The following RANBP2 variants were observed in gnomAD, a reference collection of about 807,000 sequenced individuals.
RANBP2 encodes the protein E3 SUMO-protein ligase RanBP2.
RANBP2 carries 57 observed loss-of-function variants against 303.6 expected under a neutral mutation model. The observed-to-expected ratio is 0.19, with a 90% confidence interval of 0.15 to 0.23. RANBP2 has a LOEUF of 0.23. Among genes scored for constraint, RANBP2 ranks in the 10% least tolerant of loss-of-function variants. RANBP2 has a pLI of 1.00. For missense variants in RANBP2, 3,138 were observed against 3,780.8 expected, an observed-to-expected ratio of 0.83 and a Z score of 4.46; for synonymous variants, 1,167 against 1,301.5, an observed-to-expected ratio of 0.90 and a Z score of 2.23.
the RANBP2 span, among the ~76,000 whole-genome samples, chr2:109,203,384 G>A: frequency 6.6e-6 from 1 of 152,302 alleles, no homozygotes; most frequent in East Asian, 1.9e-4. Flanking sequence ...GGATGGCCTT[G>A]GGAGGGTGTT....
chr2:108,846,798 A>G, the RANBP2 span: 2 of 1,612,950 alleles, frequency 1.2e-6, no homozygotes, highest in Admixed American at 3.3e-5. Context: ...AGGAGTGGTA[A>G]CTAAAGGAAT....
In RANBP2 at chr2:108,775,947, A is replaced by G; in HGVS notation, c.8497+11A>G. 3 of 1,598,108 alleles carry G rather than the reference A, an allele frequency of 1.9e-6. No homozygotes were observed. Among genetic ancestry groups the G allele is most frequent in the Non-Finnish European group, 2.6e-6 (3 of 1,173,408 alleles). ...ATTCTACAAGCCAAGGTAAATCTTG[A>G]TATATGTTTATCATGTGTTACATAA... is the stretch of plus-strand genomic sequence containing the variant. On this transcript the variant is annotated intron_variant, in intron 24 of 28. Transcript: ENST00000283195.
the RANBP2 span, among the ~76,000 whole-genome samples, chr2:109,764,242 G>A: frequency 1.3e-5 from 2 of 149,346 alleles, no homozygotes; most frequent in African/African-American, 2.5e-5. Context: ...GCTTTGTTCT[G>A]TAGAGTCTTG....
the RANBP2 span, chr2:108,794,492 A>G: frequency 6.6e-7 from 1 of 1,508,372 alleles, no homozygotes; most frequent in Non-Finnish European, 9.0e-7. Flanking sequence ...GAATATTTGA[A>G]ACAATAAGTT....
the RANBP2 span, among the ~76,000 whole-genome samples, chr2:109,161,746 C>G: frequency 6.6e-6 from 1 of 151,804 alleles, no homozygotes; most frequent in South Asian, 2.1e-4. Flanking sequence ...ACAACCAGCT[C>G]TCAGGGGAAC....
At chr2:109,201,036 G>C in the RANBP2 span, among the ~76,000 whole-genome samples, 1 of 152,152 alleles carries the variant, frequency 6.6e-6, no homozygotes, top group South Asian at 2.1e-4. Context: ...ACCTGGGTGG[G>C]ACCCTGTGAG....
chr2:109,553,371 C>G, the RANBP2 span: 1 of 659,606 alleles, frequency 1.5e-6, no homozygotes, highest in African/African-American at 1.8e-5. Flanking sequence ...ATAGTGAAAC[C>G]CTGTCTCTAC....
the RANBP2 span, among the ~76,000 whole-genome samples, chr2:109,639,966 C>G: frequency 6.6e-6 from 1 of 151,982 alleles, no homozygotes; most frequent in East Asian, 2.0e-4. Context: ...CCACCTCGGC[C>G]TCCCAAAGTG....
the RANBP2 span, among the ~76,000 whole-genome samples, chr2:108,859,859 A>G: frequency 6.6e-6 from 1 of 151,918 alleles, no homozygotes; most frequent in Non-Finnish European, 1.5e-5. Context: ...GTAATTTGAT[A>G]GGAATTGTGT....
At chr2:109,613,837 C>G in the RANBP2 span, 2 of 1,237,214 alleles carry the variant, frequency 1.6e-6, no homozygotes, top group Non-Finnish European at 2.0e-6. Flanking sequence ...TGGTCGCGGG[C>G]AGGGGCACGG....
At chr2:109,353,607 TG>T in the RANBP2 span, among the ~76,000 whole-genome samples, 1 of 152,172 alleles carries the variant, frequency 6.6e-6, no homozygotes, top group African/African-American at 2.4e-5. Context: ...GCAGGCCTGC[TG>T]GGTGAGAGTG....
At chr2:109,448,187 T>C in the RANBP2 span, among the ~76,000 whole-genome samples, 7 of 152,234 alleles carry the variant, frequency 4.6e-5, no homozygotes, top group Non-Finnish European at 5.9e-5. Context: ...GCTTAATAAT[T>C]CAGGGGACAT....
At chr2:108,929,143 C>T in the RANBP2 span, 1 of 1,606,778 alleles carries the variant, frequency 6.2e-7, no homozygotes, top group Non-Finnish European at 8.5e-7. Context: ...CCCGTAGCCC[C>T]TCGGGGTTTT....
At chr2:109,498,670 C>T in the RANBP2 span, among the ~76,000 whole-genome samples, 2 of 152,322 alleles carry the variant, frequency 1.3e-5, no homozygotes, top group South Asian at 2.1e-4. Flanking sequence ...TCAAGTAGGT[C>T]CAGGATGGGC....
intron 6 of RANBP2, among the ~76,000 whole-genome samples, chr2:108,737,433 G>A (rs1260773780): frequency 4.0e-5 from 6 of 149,310 alleles, no homozygotes; most frequent in Admixed American, 3.3e-4. Flanking sequence ...CCGCCTCCCT[G>A]GTTCAGGCGA....
the RANBP2 span, among the ~76,000 whole-genome samples, chr2:109,249,326 C>T: frequency 6.6e-6 from 1 of 152,196 alleles, no homozygotes; most frequent in East Asian, 1.9e-4. Context: ...AAACCTAACA[C>T]ATAATCTTTG....
the RANBP2 span, among the ~76,000 whole-genome samples, chr2:109,115,956 G>GC: frequency 6.6e-6 from 1 of 152,168 alleles, no homozygotes; most frequent in Non-Finnish European, 1.5e-5. Context: ...TTGAATATTG[G>GC]CCCCCACTCT....
At chr2:109,395,244 G>C in the RANBP2 span, among the ~76,000 whole-genome samples, 1 of 152,234 alleles carries the variant, frequency 6.6e-6, no homozygotes, top group East Asian at 1.9e-4. Flanking sequence ...TCAGTCCCAT[G>C]TGTGTAGAGA....
chr2:109,340,396 G>C, the RANBP2 span, among the ~76,000 whole-genome samples: 1 of 152,212 alleles, frequency 6.6e-6, no homozygotes, highest in Non-Finnish European at 1.5e-5. Flanking sequence ...AGTACTGCTG[G>C]AACCCAGAGA....
Sources: allele counts gnomAD v4.1 joint callset (sites outside exome capture counted in the v4.1 genomes callset), GRCh38; gene constraint gnomAD v4.1.1; transcripts MANE v1.5; gene names NCBI Gene and HGNC (gene_info 2026-07-23, HGNC 2026-07-21).